PCDHA7: variants seen among roughly 807,000 people sequenced by gnomAD.
The protein encoded by PCDHA7 is protocadherin alpha-7.
A neutral mutation model predicts 57.2 loss-of-function variants in PCDHA7; 37 were observed. The ratio of observed to expected loss-of-function variants is 0.65; its 90% CI spans 0.50 to 0.85. PCDHA7 has a LOEUF of 0.85. Among genes scored for constraint, PCDHA7 ranks in the 40% least tolerant of loss-of-function variants. The probability of loss-of-function intolerance (pLI) is 0.00; values close to 1 mark genes in which losing one functional copy is unlikely to be tolerated. For missense variants in PCDHA7, 1,188 were observed against 1,241.8 expected, an observed-to-expected ratio of 0.96 and a Z score of 0.65; for synonymous variants, 553 against 558.8, an observed-to-expected ratio of 0.99 and a Z score of 0.15.
At chr5:140,850,249 T>TGGGC in intron 1 of PCDHA7, 1 of 1,593,502 alleles carries the variant, frequency 6.3e-7, no homozygotes, top group Non-Finnish European at 8.6e-7. Context: ...CTGCGGTCGG[T>TGGGC]GGGCGCCGGC....
intron 1 of PCDHA7, among the ~76,000 whole-genome samples, chr5:140,905,308 T>C (rs1194215404): frequency 1.3e-5 from 2 of 152,120 alleles, no homozygotes; most frequent in African/African-American, 4.8e-5. Flanking sequence ...TTTCCACACT[T>C]TGTGTTTGTA....
At chr5:141,004,573 G>A (rs2098171340) in intron 3 of PCDHA7, among the ~76,000 whole-genome samples, 1 of 152,220 alleles carries the variant, frequency 6.6e-6, no homozygotes, top group South Asian at 2.1e-4. Context: ...ATATCTCTGT[G>A]TTCTGCATCT....
At chr5:140,853,601 AG>A in intron 1 of PCDHA7, 1 of 987,492 alleles carries the variant, frequency 1.0e-6, no homozygotes, top group Non-Finnish European at 1.2e-6. Context: ...TTGAGAGCAA[AG>A]GGGGTGCTGT....
At chr5:140,902,895 T>C (rs1554190698) in intron 1 of PCDHA7, among the ~76,000 whole-genome samples, 1 of 152,222 alleles carries the variant, frequency 6.6e-6, no homozygotes, top group Non-Finnish European at 1.5e-5. Flanking sequence ...TATTATTTTA[T>C]TTAGTTTATG....
intron 3 of PCDHA7, among the ~76,000 whole-genome samples, chr5:141,007,324 A>G (rs35241677): frequency 0.053 from 8,037 of 150,420 alleles, 253 homozygotes; most frequent in South Asian, 0.11. Context: ...GCTAAAGTGG[A>G]CAGATTGCCT....
rs2150458780 is a variant in PCDHA7 at position 140,849,941 on chromosome 5, T to C, written c.2355+13203T>C. 24 of 1,597,306 alleles carry C rather than the reference T, an allele frequency of 1.5e-5. 4 individuals are homozygous for C. In the Middle Eastern group the frequency reaches 5.4e-4, roughly 36 times the overall value. On this transcript the variant is annotated intron_variant, in intron 1 of 3. Transcript: ENST00000525929. ...TCTTCACGGTGTCTGCGCGGGACGC[T>C]GACGCGCAGGAGAACGCCCTGGTGT...
At chr5:140,881,940 G>A (rs1273995753) in intron 1 of PCDHA7, 1 of 295,968 alleles carries the variant, frequency 3.4e-6, no homozygotes, top group Non-Finnish European at 6.2e-6. Flanking sequence ...TGCTGTTTCT[G>A]GGAAGGTAAA....
Position 140,893,497 on chromosome 5 carries a change from GA to G in PCDHA7, c.2355+56768del, listed in dbSNP as rs1157700367. Among the ~76,000 whole-genome samples the G allele has an allele frequency of 3.1e-4, 47 of 150,168 alleles. No individual in the cohort carries two copies. The Middle Eastern group carries it at 0.01, about 33-fold the overall frequency. ...GCAAGACCCTGTTCTTCACAAAAAAGAAAAAAAAAGCAGTTGTAGAACTCCT... is the reference window on the plus strand; with the variant it reads ...GCAAGACCCTGTTCTTCACAAAAAAGAAAAAAAAGCAGTTGTAGAACTCCT... On this transcript the variant is annotated intron_variant, in intron 1 of 3. Transcript: ENST00000525929.
rs782045843 is a variant in PCDHA7 at position 140,884,051 on chromosome 5, C to A, written c.2355+47313C>A. Reference sequence around the variant, plus strand: ...TGCAGGCCACGTGGTGGCGAAGGTGCGCGCGGTGGACGCCGATTCGGGCTA... The same window carrying A: ...TGCAGGCCACGTGGTGGCGAAGGTGAGCGCGGTGGACGCCGATTCGGGCTA... On this transcript the variant is annotated intron_variant, in intron 1 of 3. Coordinates refer to ENST00000525929, the MANE Select transcript of PCDHA7 (RefSeq NM_018910.3). The A allele has an allele frequency of 9.3e-6, 15 of 1,613,426 alleles. No homozygotes were observed. In the South Asian group the frequency reaches 1.6e-4, roughly 18 times the overall value.
At chr5:140,839,740 A>T (rs1357885958) in intron 1 of PCDHA7, among the ~76,000 whole-genome samples, 1 of 152,020 alleles carries the variant, frequency 6.6e-6, no homozygotes, top group Non-Finnish European at 1.5e-5. Flanking sequence ...AAATACCCTT[A>T]TTTGCCTTTC....
chr5:140,856,373 G>A (rs781914523), intron 1 of PCDHA7: 1 of 1,598,562 alleles, frequency 6.3e-7, no homozygotes, highest in Non-Finnish European at 8.6e-7. Context: ...GGAGGTGATC[G>A]TGGACAGGCC....
At chr5:140,842,617 G>A (rs2150340722) in intron 1 of PCDHA7, 15 of 1,572,174 alleles carry the variant, frequency 9.5e-6, no homozygotes, top group South Asian at 7.8e-5. Context: ...ACGGGGGCTC[G>A]CCTTCGCTGT....
intron 1 of PCDHA7, among the ~76,000 whole-genome samples, chr5:140,895,392 C>T (rs983338513): frequency 6.6e-5 from 10 of 152,148 alleles, no homozygotes; most frequent in African/African-American, 2.4e-4. Context: ...CAATTCTCAA[C>T]ACCATCAAAA....
intron 1 of PCDHA7, 30 bp downstream of exon 1, chr5:140,836,768 A>G: frequency 9.0e-6 from 14 of 1,555,112 alleles, no homozygotes; most frequent in Non-Finnish European, 1.2e-5. Flanking sequence ...GTTTCCAACA[A>G]TTTTAAAACA....
intron 1 of PCDHA7, among the ~76,000 whole-genome samples, chr5:140,959,554 A>G (rs1375729843): frequency 6.6e-6 from 1 of 152,210 alleles, no homozygotes; most frequent in Non-Finnish European, 1.5e-5. Context: ...TATAAATAGA[A>G]TCAGTACTAG....
At chr5:140,991,792 T>A (rs541458701) in intron 3 of PCDHA7, among the ~76,000 whole-genome samples, 4 of 152,282 alleles carry the variant, frequency 2.6e-5, no homozygotes, top group Non-Finnish European at 5.9e-5. Context: ...CATTTCCCAA[T>A]CTCAAGGCCA....
intron 1 of PCDHA7, chr5:140,870,813 C>A: frequency 3.7e-6 from 6 of 1,613,700 alleles, no homozygotes; most frequent in Non-Finnish European, 5.1e-6. Context: ...CTCAGGCTGG[C>A]AGCGCGGGAG....
At chr5:140,890,245 A>G (rs2062563165) in intron 1 of PCDHA7, among the ~76,000 whole-genome samples, 1 of 152,146 alleles carries the variant, frequency 6.6e-6, no homozygotes, top group Admixed American at 6.5e-5. Context: ...TTACCAGTAC[A>G]CTACTGCACC....
At chr5:140,871,427 T>G (rs782140666) in intron 1 of PCDHA7, 3 of 1,613,326 alleles carry the variant, frequency 1.9e-6, no homozygotes, top group Non-Finnish European at 2.5e-6. Context: ...AGCCCCAGTC[T>G]TCCTCTAGGT....
Sources: gnomAD v4.1 joint callset for allele counts (sites outside exome capture counted in the v4.1 genomes callset) on GRCh38, gnomAD v4.1.1 for gene constraint, MANE v1.5 for transcripts, NCBI Gene and HGNC (gene_info 2026-07-23, HGNC 2026-07-21) for gene names.